RASAL2: variants seen among roughly 807,000 people sequenced by gnomAD.
RASAL2 encodes ras GTPase-activating protein nGAP.
Under a neutral mutation model 128.9 loss-of-function variants are expected in RASAL2, and 58 were observed. The ratio of observed to expected loss-of-function variants is 0.45; its 90% CI spans 0.36 to 0.56. The LOEUF (loss-of-function observed/expected upper bound fraction) is 0.56. RASAL2 is among the 20% of genes least tolerant of loss of function. The pLI is 0.00. For missense variants in RASAL2, 1,360 were observed against 1,601.6 expected, an observed-to-expected ratio of 0.85 and a Z score of 2.57; for synonymous variants, 561 against 580.8, an observed-to-expected ratio of 0.97 and a Z score of 0.49.
intron 3 of RASAL2, among the ~76,000 whole-genome samples, chr1:178,315,736 A>C (rs1370051904): frequency 6.9e-6 from 1 of 145,466 alleles, no homozygotes; most frequent in East Asian, 2.0e-4. Flanking sequence ...CCCATTTTGT[A>C]GGTTGCCTGT....
rs536135484 is a variant in RASAL2, at chr1:178,338,612, A to G, written c.457+38494A>G. Among the ~76,000 whole-genome samples, 182 of 152,332 alleles carry G rather than the reference A, an allele frequency of 1.2e-3. 1 individual carries two copies. Among genetic ancestry groups the G allele is most frequent in the Admixed American group, 7.8e-4 (12 of 15,302 alleles). On this transcript the variant is annotated intron_variant, in intron 3 of 17. Coordinates refer to ENST00000367649, the MANE Select transcript of RASAL2 (RefSeq NM_170692.4). Reference sequence around the variant, plus strand: ...AAAAAAAATCTCACAGCCTTTTAGAAACACTATATTTGTTGATATTGAACT... The same window carrying G: ...AAAAAAAATCTCACAGCCTTTTAGAGACACTATATTTGTTGATATTGAACT...
At chr1:178,335,221 A>C (rs1191241392) in intron 3 of RASAL2, among the ~76,000 whole-genome samples, 1 of 152,144 alleles carries the variant, frequency 6.6e-6, no homozygotes, top group African/African-American at 2.4e-5. Flanking sequence ...CATAATTTTC[A>C]AAGGTTTGGA....
intron 3 of RASAL2, among the ~76,000 whole-genome samples, chr1:178,318,611 G>A (rs1319537729): frequency 2.5e-4 from 37 of 150,788 alleles, no homozygotes; most frequent in African/African-American, 7.8e-4. Flanking sequence ...GACTAGGATT[G>A]CAACCCCTGT....
chr1:178,279,898 T>C (rs1420461556), intron 1 of RASAL2, among the ~76,000 whole-genome samples: 2 of 152,160 alleles, frequency 1.3e-5, no homozygotes, highest in African/African-American at 4.8e-5. Context: ...TTTTTTGATA[T>C]TATATAATGA....
At chr1:178,184,627 A>G (rs1260759761) in intron 1 of RASAL2, among the ~76,000 whole-genome samples, 1 of 152,054 alleles carries the variant, frequency 6.6e-6, no homozygotes, top group African/African-American at 2.4e-5. Context: ...AAACCAGTTA[A>G]CTATATAAAT....
intron 1 of RASAL2, among the ~76,000 whole-genome samples, chr1:178,241,577 T>C (rs906418301): frequency 6.6e-6 from 1 of 152,182 alleles, no homozygotes; most frequent in African/African-American, 2.4e-5. Context: ...CCATCTTTAA[T>C]TTAACTAGAA....
At chr1:178,410,984 T>G (rs1399114370) in intron 4 of RASAL2, among the ~76,000 whole-genome samples, 4 of 152,122 alleles carry the variant, frequency 2.6e-5, no homozygotes, top group Non-Finnish European at 4.4e-5. Context: ...GAACTAAAAG[T>G]AGAACTGCCA....
At chr1:178,208,220 C>T (rs2101980001) in intron 1 of RASAL2, among the ~76,000 whole-genome samples, 2 of 152,266 alleles carry the variant, frequency 1.3e-5, no homozygotes. Flanking sequence ...TAAGGTCTGA[C>T]TGTCTGCAGG....
intron 1 of RASAL2, among the ~76,000 whole-genome samples, chr1:178,173,112 C>T (rs184432928): frequency 7.0e-4 from 106 of 152,168 alleles, no homozygotes; most frequent in African/African-American, 2.5e-3. Flanking sequence ...GTGTCCATTT[C>T]TCCATCCCTT....
At chr1:178,153,938 C>T (rs1033356258) in intron 1 of RASAL2, among the ~76,000 whole-genome samples, 15 of 152,146 alleles carry the variant, frequency 9.9e-5, no homozygotes, top group African/African-American at 3.6e-4. Flanking sequence ...TGGGTGCAAG[C>T]GAGTCTCCTG....
Position 178,094,618 on chromosome 1 carries a change from A to G in RASAL2, c.126A>G (p.Gly42=). The G allele has an allele frequency of 6.2e-7, 1 of 1,613,382 alleles. No individual in the cohort carries two copies. The highest frequency in any genetic ancestry group is 8.5e-7 in the Non-Finnish European group (1 of 1,179,794). The change falls in exon 1 of 18, where the codon GGA becomes GGG. Residue 42 remains glycine, a synonymous_variant. Transcript: ENST00000367649. ...TGGACGCGGTTGTCCCAGTCAGTGG[A>G]GCCGTCGCCGGTGGCATGTTGGATC... The part of the protein sequence containing the change: ...EDLDAVVPVS[G]AVAGGMLDRI...
intron 13 of RASAL2, 127 bp from the exon 14 acceptor site, chr1:178,457,556 T>C (rs1677861498): frequency 1.0e-6 from 1 of 970,946 alleles, no homozygotes. Context: ...AGATAAAATC[T>C]GAGTTTCCAA....
At chr1:178,264,832 C>T (rs1165121569) in intron 1 of RASAL2, among the ~76,000 whole-genome samples, 1 of 152,198 alleles carries the variant, frequency 6.6e-6, no homozygotes, top group Non-Finnish European at 1.5e-5. Context: ...TCTCCAGCCT[C>T]ATTTCTTCCA....
intron 4 of RASAL2, among the ~76,000 whole-genome samples, chr1:178,418,170 A>G (rs1674894968): frequency 6.6e-6 from 1 of 152,144 alleles, no homozygotes; most frequent in Non-Finnish European, 1.5e-5. Context: ...AATTTCATAT[A>G]ACTTTTGACT....
intron 9 of RASAL2, among the ~76,000 whole-genome samples, chr1:178,448,011 A>T (rs1360769567): frequency 6.6e-6 from 1 of 152,192 alleles, no homozygotes; most frequent in Non-Finnish European, 1.5e-5. Flanking sequence ...AGGCAATCTA[A>T]GATACCTGTC....
At chr1:178,100,160 T>C (rs1194317287) in intron 1 of RASAL2, among the ~76,000 whole-genome samples, 1 of 152,082 alleles carries the variant, frequency 6.6e-6, no homozygotes, top group Non-Finnish European at 1.5e-5. Context: ...AACACCCCTC[T>C]TTAAGAATAG....
intron 1 of RASAL2, among the ~76,000 whole-genome samples, chr1:178,112,158 C>T (rs1389499549): frequency 2.0e-5 from 3 of 152,150 alleles, no homozygotes; most frequent in African/African-American, 4.8e-5. Flanking sequence ...GTCTTATTCT[C>T]TTAAACCTTT....
In RASAL2 at chr1:178,275,617, A is replaced by G. The variant is rs188111994; in HGVS notation, c.203-7947A>G. ...TCTGCCATAAATAAGTCATGCCTTCAAGGAATTTATTACTTTTTTACCAGA... is the reference window on the plus strand; with the variant it reads ...TCTGCCATAAATAAGTCATGCCTTCGAGGAATTTATTACTTTTTTACCAGA... On this transcript the variant is annotated intron_variant, in intron 1 of 17. Transcript: ENST00000367649. Among the ~76,000 whole-genome samples, 291 of 152,330 alleles carry G rather than the reference A, an allele frequency of 1.9e-3. 3 individuals are homozygous for G. The highest frequency in any genetic ancestry group is 6.7e-3 in the African/African-American group (277 of 41,572).
Position 178,266,316 on chromosome 1 carries a change from C to T in RASAL2, c.203-17248C>T, listed in dbSNP as rs147184514. Among the ~76,000 whole-genome samples, 61 of 152,274 alleles carry T rather than the reference C, an allele frequency of 4.0e-4. No individual in the cohort carries two copies. The East Asian group carries it at 0.01, about 25-fold the overall frequency. On this transcript the variant is annotated intron_variant, in intron 1 of 17. Coordinates refer to ENST00000367649, the MANE Select transcript of RASAL2 (RefSeq NM_170692.4). ...CACTGTGGCCTTAATTTGCATTTCC[C>T]TGATGAGTAATGAAGTTGAGCATCT...
Sources: gnomAD v4.1 joint callset for allele counts (sites outside exome capture counted in the v4.1 genomes callset) on GRCh38, gnomAD v4.1.1 for gene constraint, MANE v1.5 for transcripts, NCBI Gene and HGNC (gene_info 2026-07-23, HGNC 2026-07-21) for gene names.